The following SPHKAP variants were observed in gnomAD, a reference collection of about 807,000 sequenced individuals.
SPHKAP encodes A-kinase anchor protein SPHKAP.
A neutral mutation model predicts 137.5 loss-of-function variants in SPHKAP; 67 were observed. The observed-to-expected ratio is 0.49, with a 90% CI of 0.40 to 0.60. The LOEUF (loss-of-function observed/expected upper bound fraction) is 0.60. Ranked by LOEUF, SPHKAP falls within the 20% of genes least tolerant of loss-of-function variation. The pLI is 0.00. For missense variants in SPHKAP, 2,097 were observed against 2,069.3 expected (o/e 1.01, Z -0.26); for synonymous variants, 813 against 785.3 (o/e 1.04, Z -0.59).
At chr2:227,984,313 A>AG (rs1325191626) in intron 11 of SPHKAP, among the ~76,000 whole-genome samples, 1 of 151,522 alleles carries the variant, frequency 6.6e-6, no homozygotes, top group East Asian at 1.9e-4. Context: ...AAAAAAAAAA[A>AG]AAAAAGAAAG....
intron 2 of SPHKAP, among the ~76,000 whole-genome samples, chr2:228,126,328 C>T (rs1297539800): frequency 6.6e-6 from 1 of 152,182 alleles, no homozygotes; most frequent in African/African-American, 2.4e-5. Flanking sequence ...GGTTAGCTGA[C>T]TTTCCAACCT....
intron 3 of SPHKAP, among the ~76,000 whole-genome samples, chr2:228,088,296 T>A (rs1455013813): frequency 6.6e-6 from 1 of 152,270 alleles, no homozygotes; most frequent in South Asian, 2.1e-4. Flanking sequence ...AACACATAAA[T>A]GAGAAGTAAC....
intron 2 of SPHKAP, among the ~76,000 whole-genome samples, chr2:228,110,362 TTTA>T (rs1382888961): frequency 7.2e-5 from 11 of 152,084 alleles, no homozygotes; most frequent in Non-Finnish European, 1.5e-5. Flanking sequence ...CAAAATATCA[TTTA>T]TTATATTAGT....
chr2:228,070,999 C>G (rs1437334582), intron 3 of SPHKAP, among the ~76,000 whole-genome samples: 1 of 152,130 alleles, frequency 6.6e-6, no homozygotes, highest in East Asian at 1.9e-4. Flanking sequence ...CCCTTATTGG[C>G]AAGGTACATG....
At chr2:228,096,215 C>T (rs1224901907) in intron 3 of SPHKAP, among the ~76,000 whole-genome samples, 1 of 152,070 alleles carries the variant, frequency 6.6e-6, no homozygotes, top group Non-Finnish European at 1.5e-5. Context: ...GGAGTGAGGG[C>T]TGATCAGGAG....
chr2:228,152,700 A>G (rs1221846719), intron 1 of SPHKAP, among the ~76,000 whole-genome samples: 2 of 146,464 alleles, frequency 1.4e-5, no homozygotes, highest in African/African-American at 5.0e-5. Flanking sequence ...TTTTTGGCCT[A>G]GTGTGGAAGT....
chr2:228,068,095 A>T (rs1696885016), intron 3 of SPHKAP, among the ~76,000 whole-genome samples: 1 of 152,216 alleles, frequency 6.6e-6, no homozygotes, highest in African/African-American at 2.4e-5. Context: ...GAACAATCTG[A>T]AAAAGAAGTT....
intron 1 of SPHKAP, among the ~76,000 whole-genome samples, chr2:228,163,309 G>T (rs1410396477): frequency 1.3e-5 from 2 of 152,142 alleles, no homozygotes; most frequent in East Asian, 3.9e-4. Flanking sequence ...GAGACAGAGA[G>T]ATGAGAGAGA....
At chr2:228,132,277 G>T (rs1177689495) in intron 1 of SPHKAP, among the ~76,000 whole-genome samples, 192 bp from the exon 2 acceptor site, 1 of 152,150 alleles carries the variant, frequency 6.6e-6, no homozygotes, top group East Asian at 1.9e-4. Flanking sequence ...AACCACTACA[G>T]ACGATCCTAC....
chr2:228,020,813 A>G (rs1282454109), intron 6 of SPHKAP, among the ~76,000 whole-genome samples: 2 of 152,216 alleles, frequency 1.3e-5, no homozygotes, highest in Non-Finnish European at 2.9e-5. Flanking sequence ...ATGAATCTGA[A>G]AAGGCTTTCA....
intron 3 of SPHKAP, among the ~76,000 whole-genome samples, chr2:228,085,853 T>C (rs1697521709): frequency 6.6e-6 from 1 of 152,144 alleles, no homozygotes; most frequent in Admixed American, 6.5e-5. Context: ...AAATACTCAC[T>C]TGTCAACTTT....
At chr2:228,114,401 G>A (rs183002779) in intron 2 of SPHKAP, among the ~76,000 whole-genome samples, 2 of 152,252 alleles carry the variant, frequency 1.3e-5, no homozygotes, top group East Asian at 3.9e-4. Context: ...TATTTTTTAA[G>A]TAATTTAAAT....
chr2:228,080,707 CAAAATAAAATAAAATAAAATAAAAT>C (rs57442116), intron 3 of SPHKAP, among the ~76,000 whole-genome samples: 1,717 of 134,262 alleles, frequency 0.013, 24 homozygotes, highest in South Asian at 0.042. Flanking sequence ...AACTCTGTCT[CAAAATAAAATAAAATAAAATAAAAT>C]AAAATAAAAT....
chr2:228,155,443 G>A (rs1046640802), intron 1 of SPHKAP, among the ~76,000 whole-genome samples: 10 of 151,990 alleles, frequency 6.6e-5, no homozygotes, highest in East Asian at 1.9e-4. Flanking sequence ...ACCATAAACC[G>A]GATATGATAT....
rs1454932088 is a variant in SPHKAP at position 227,991,125 on chromosome 2, T to C, written c.4834A>G (p.Asn1612Asp). 1 of 1,613,970 alleles carries C rather than the reference T, an allele frequency of 6.2e-7. No homozygotes were observed. The highest frequency in any genetic ancestry group is 8.5e-7 in the Non-Finnish European group (1 of 1,180,008). Reference protein sequence around the residue: ...ASPQRSLLVINFDLEPECPDA... With the variant: ...ASPQRSLLVIDFDLEPECPDA... ...GGACACTCTGGCTCCAGGTCAAAGT[T>C]GATCACCAGCAGGCTCCTCTGGGGG... Residue 1612 changes from asparagine to aspartate, a missense_variant, in exon 11 of 12, where the codon AAC (asparagine) becomes GAC (aspartate). By Grantham distance (23) the Asn-to-Asp change is conservative. Transcript: ENST00000392056.
chr2:228,055,155 A>G (rs922975409), intron 3 of SPHKAP, among the ~76,000 whole-genome samples: 15 of 151,582 alleles, frequency 9.9e-5, no homozygotes, highest in African/African-American at 3.6e-4. Flanking sequence ...AAAAAAAAAA[A>G]AAAAGTGGTT....
At chr2:228,134,260 A>G (rs373367614) in intron 1 of SPHKAP, among the ~76,000 whole-genome samples, 6 of 138,014 alleles carry the variant, frequency 4.3e-5, no homozygotes, top group Non-Finnish European at 8.2e-5. Context: ...AAGGAAGGAA[A>G]GAAATAAAGA....
intron 1 of SPHKAP, among the ~76,000 whole-genome samples, chr2:228,163,558 A>G (rs1352372664): frequency 6.6e-6 from 1 of 152,104 alleles, no homozygotes; most frequent in Admixed American, 6.6e-5. Flanking sequence ...CCTCAGTAAT[A>G]TTGAAGAGGA....
intron 5 of SPHKAP, chr2:228,022,258 C>CA: frequency 1.1e-6 from 1 of 901,142 alleles, no homozygotes; most frequent in Non-Finnish European, 1.3e-6. Flanking sequence ...GTTAAACAGG[C>CA]AAAGAAGATT....
Sources: gnomAD v4.1 joint callset for allele counts (sites outside exome capture counted in the v4.1 genomes callset) on GRCh38, gnomAD v4.1.1 for gene constraint, MANE v1.5 for transcripts, NCBI Gene and HGNC (gene_info 2026-07-23, HGNC 2026-07-21) for gene names.